The following SAMD12 variants were observed in gnomAD, a reference collection of about 807,000 sequenced individuals.
SAMD12 encodes the protein sterile alpha motif domain containing 12.
A neutral mutation model predicts 15.0 loss-of-function variants in SAMD12; 9 were observed. The observed-to-expected ratio is 0.60, with a 90% confidence interval of 0.36 to 1.05. The LOEUF (loss-of-function observed/expected upper bound fraction) is 1.05, where lower values mean the gene tolerates loss of function less well. Ranked by LOEUF, SAMD12 falls within the 50% of genes least tolerant of loss-of-function variation. The pLI is 0.01. For synonymous variants in SAMD12, 86 were observed against 90.1 expected, an observed-to-expected ratio of 0.96 and a Z score of 0.25; for missense variants, 230 against 234.2, an observed-to-expected ratio of 0.98 and a Z score of 0.12.
chr8:118,510,450 G>T (rs939159472), intron 2 of SAMD12, among the ~76,000 whole-genome samples: 1 of 152,096 alleles, frequency 6.6e-6, no homozygotes, highest in African/African-American at 2.4e-5. Flanking sequence ...TTTTATAGAG[G>T]TTTCTTTTGT....
chr8:118,441,995 G>C (rs898219332), intron 2 of SAMD12, among the ~76,000 whole-genome samples: 2 of 152,264 alleles, frequency 1.3e-5, no homozygotes, highest in Middle Eastern at 3.4e-3. Flanking sequence ...ACAAGCCTCA[G>C]ATGATTCCAG....
chr8:118,605,267 T>G (rs1827958526), intron 1 of SAMD12, among the ~76,000 whole-genome samples: 1 of 152,182 alleles, frequency 6.6e-6, no homozygotes, highest in African/African-American at 2.4e-5. Context: ...CTGGCCTCAT[T>G]AAGGGCTGTT....
chr8:118,282,581 G>T (rs997987559), intron 4 of SAMD12, among the ~76,000 whole-genome samples: 13 of 152,158 alleles, frequency 8.5e-5, no homozygotes, highest in South Asian at 4.1e-4. Flanking sequence ...CTATAGGGGG[G>T]CTGGGGTGGT....
intron 2 of SAMD12, among the ~76,000 whole-genome samples, chr8:118,576,133 T>C (rs1019524860): frequency 2.0e-5 from 3 of 152,186 alleles, no homozygotes; most frequent in Admixed American, 6.6e-5. Flanking sequence ...ACAGCAGCAC[T>C]GTCTAATAGG....
chr8:118,526,654 G>A (rs1240069937), intron 2 of SAMD12, among the ~76,000 whole-genome samples: 1 of 152,092 alleles, frequency 6.6e-6, no homozygotes, highest in African/African-American at 2.4e-5. Flanking sequence ...ATACCCCTAG[G>A]CTGAAAGGGA....
the SAMD12 span, among the ~76,000 whole-genome samples, chr8:118,145,557 C>G: frequency 6.6e-6 from 1 of 152,104 alleles, no homozygotes; most frequent in East Asian, 1.9e-4. Context: ...GGCTCATTGT[C>G]TATGTTATCC....
At chr8:118,487,378 A>AG (rs1180319900) in intron 2 of SAMD12, among the ~76,000 whole-genome samples, 1 of 152,186 alleles carries the variant, frequency 6.6e-6, no homozygotes, top group East Asian at 1.9e-4. Flanking sequence ...CAGGACCAGG[A>AG]GGGGCTGGAA....
intron 4 of SAMD12, among the ~76,000 whole-genome samples, chr8:118,225,911 T>G (rs1812179349): frequency 6.6e-6 from 1 of 152,142 alleles, no homozygotes; most frequent in African/African-American, 2.4e-5. Flanking sequence ...GAATTACACC[T>G]GGTTCAGTCT....
intron 1 of SAMD12, among the ~76,000 whole-genome samples, chr8:118,601,428 T>C (rs1049522440): frequency 1.3e-5 from 2 of 152,192 alleles, no homozygotes; most frequent in African/African-American, 4.8e-5. Flanking sequence ...ACAGTGACTC[T>C]TCTTTGTTTA....
At position 118,292,046 on chromosome 8, in the gene SAMD12, C is replaced by A. The variant is rs370304791; in HGVS notation, c.433+87514G>T. 1.7e-3 allele frequency among the ~76,000 whole-genome samples: 251 copies of A among 151,314 alleles called. 1 individual carries two copies. Among genetic ancestry groups the A allele is most frequent in the African/African-American group, 5.8e-3 (241 of 41,262 alleles). On this transcript the variant is annotated intron_variant, in intron 4 of 4. Coordinates refer to the SAMD12 transcript ENST00000409003. Reference sequence around the variant, plus strand: ...ATGCTTTAGAAATTGAATTCTATTGCCCATTATAAATGGCTGCATGCTAGA... The same window carrying A: ...ATGCTTTAGAAATTGAATTCTATTGACCATTATAAATGGCTGCATGCTAGA...
At chr8:118,503,716 T>C (rs1244218352) in intron 2 of SAMD12, among the ~76,000 whole-genome samples, 2 of 152,188 alleles carry the variant, frequency 1.3e-5, no homozygotes, top group Non-Finnish European at 2.9e-5. Flanking sequence ...CCTTGGGCTC[T>C]TCCTCCATCT....
intron 3 of SAMD12, among the ~76,000 whole-genome samples, chr8:118,404,979 T>A (rs528352805): frequency 2.0e-5 from 3 of 152,184 alleles, no homozygotes; most frequent in East Asian, 1.9e-4. Context: ...GGTACCCTTA[T>A]AAGCTCTTCC....
intron 4 of SAMD12, among the ~76,000 whole-genome samples, chr8:118,358,659 AT>A (rs1818344361): frequency 6.6e-6 from 1 of 152,166 alleles, no homozygotes; most frequent in Non-Finnish European, 1.5e-5. Context: ...TTTTAGCACT[AT>A]CCCCTGCACA....
At chr8:118,409,572 AG>A (rs1396092506) in intron 3 of SAMD12, among the ~76,000 whole-genome samples, 5 of 152,084 alleles carry the variant, frequency 3.3e-5, no homozygotes, top group African/African-American at 1.2e-4. Context: ...TTTTATCTAA[AG>A]AAATAAGATT....
At chr8:118,611,343 A>G (rs147507614) in intron 1 of SAMD12, among the ~76,000 whole-genome samples, 90 of 152,364 alleles carry the variant, frequency 5.9e-4, no homozygotes, top group African/African-American at 2.0e-3. Context: ...AAGCTTAGAA[A>G]GCAGAAAAAA....
intron 4 of SAMD12, among the ~76,000 whole-genome samples, chr8:118,332,356 A>G (rs1295812001): frequency 3.3e-5 from 5 of 152,236 alleles, no homozygotes; most frequent in Non-Finnish European, 2.9e-5. Context: ...ATATGAATGA[A>G]CACTGATCAC....
intron 2 of SAMD12, among the ~76,000 whole-genome samples, chr8:118,546,111 G>T (rs1826116152): frequency 1.3e-5 from 2 of 152,144 alleles, no homozygotes; most frequent in African/African-American, 4.8e-5. Context: ...CACACAGCTT[G>T]CAGTGCAGCG....
intron 2 of SAMD12, among the ~76,000 whole-genome samples, chr8:118,543,184 C>G (rs1356120656): frequency 1.3e-5 from 2 of 152,132 alleles, no homozygotes; most frequent in Non-Finnish European, 2.9e-5. Context: ...CGCCCAGGGT[C>G]CTGCAGACTT....
chr8:118,222,316 T>C (rs1249505750), intron 4 of SAMD12, among the ~76,000 whole-genome samples: 2 of 152,088 alleles, frequency 1.3e-5, no homozygotes, highest in African/African-American at 4.8e-5. Context: ...AATGTCATAG[T>C]GGAAAGAACA....
Sources: gnomAD v4.1 joint callset for allele counts (sites outside exome capture counted in the v4.1 genomes callset) on GRCh38, gnomAD v4.1.1 for gene constraint, MANE v1.5 for transcripts, NCBI Gene and HGNC (gene_info 2026-07-23, HGNC 2026-07-21) for gene names.